COPG2: variants seen among roughly 807,000 people sequenced by gnomAD.
COPG2 encodes the protein coatomer subunit gamma-2.
A neutral mutation model predicts 46.3 loss-of-function variants in COPG2; 37 were observed. The ratio of observed to expected loss-of-function variants is 0.80; its 90% CI spans 0.61 to 1.05. The LOEUF (loss-of-function observed/expected upper bound fraction) is 1.05, where lower values mean the gene tolerates loss of function less well. COPG2 is among the 50% of genes least tolerant of loss of function. The pLI, the probability that COPG2 is intolerant of heterozygous loss-of-function variation, is 0.00. For missense variants in COPG2, 427 were observed against 387.8 expected, an observed-to-expected ratio of 1.10 and a Z score of -0.85; for synonymous variants, 159 against 129.7, an observed-to-expected ratio of 1.23 and a Z score of -1.53.
chr7:130,652,121 CACGT>C (rs1795759600), intron 5 of COPG2, among the ~76,000 whole-genome samples: 1 of 152,144 alleles, frequency 6.6e-6, no homozygotes, highest in Admixed American at 6.5e-5. Context: ...CAATGGTAGA[CACGT>C]AAGTTGTTTG....
chr7:130,513,877 A>G (rs1799651198), intron 20 of COPG2, among the ~76,000 whole-genome samples: 1 of 152,206 alleles, frequency 6.6e-6, no homozygotes, highest in Admixed American at 6.5e-5. Flanking sequence ...CCTGCAGAAG[A>G]GACGGAGTCA....
intron 9 of COPG2, among the ~76,000 whole-genome samples, chr7:130,585,345 AC>A (rs1794244773): frequency 6.6e-6 from 1 of 152,108 alleles, no homozygotes; most frequent in Non-Finnish European, 1.5e-5. Flanking sequence ...AAAATCTAAG[AC>A]CTGAAACTAT....
Position 130,613,539 on chromosome 7 carries a change from C to T in COPG2, c.492+5G>A. 1 of 1,562,914 alleles carries T rather than the reference C, an allele frequency of 6.4e-7. No individual in the cohort carries two copies. Among genetic ancestry groups the T allele is most frequent in the Non-Finnish European group, 8.8e-7 (1 of 1,141,968 alleles). On this transcript the variant is annotated splice_donor_5th_base_variant and intron_variant, in intron 7 of 23. Transcript: ENST00000425248. ...TAAGAACTAGGAAGCTGCTTGTTCA[C>T]TTACCAGGGAAGATACCAGTGCTGA...
intron 20 of COPG2, among the ~76,000 whole-genome samples, chr7:130,535,778 A>C (rs1267275600): frequency 2.0e-5 from 3 of 151,856 alleles, no homozygotes; most frequent in Admixed American, 6.5e-5. Context: ...TGAGAACACC[A>C]TCTCATTCAT....
chr7:130,511,677 G>A (rs782349792), intron 20 of COPG2: 3 of 513,178 alleles, frequency 5.8e-6, no homozygotes, highest in Non-Finnish European at 7.8e-6. Flanking sequence ...GAGACTGGAA[G>A]CAAAGGAAAG....
At chr7:130,647,968 G>C (rs1291619147) in intron 5 of COPG2, among the ~76,000 whole-genome samples, 7 of 151,996 alleles carry the variant, frequency 4.6e-5, no homozygotes, top group African/African-American at 1.7e-4. Context: ...CTGACCTCAT[G>C]ATCCACCCAC....
intron 9 of COPG2, chr7:130,608,386 T>C (rs1226957532): frequency 8.6e-6 from 2 of 232,392 alleles, no homozygotes; most frequent in Non-Finnish European, 1.7e-5. Flanking sequence ...CCTACACATT[T>C]ACCCTTTCTC....
intron 5 of COPG2, among the ~76,000 whole-genome samples, chr7:130,629,940 A>T: frequency 6.7e-6 from 1 of 148,754 alleles, no homozygotes; most frequent in African/African-American, 2.5e-5. Flanking sequence ...TTTTTCAGAC[A>T]GAGTTTCGCT....
chr7:130,509,544 G>A (rs1030539660), intron 20 of COPG2: 25 of 413,702 alleles, frequency 6.0e-5, no homozygotes, highest in African/African-American at 2.0e-4. Flanking sequence ...GACCATATAC[G>A]ACAGATTGGG....
intron 2 of COPG2, among the ~76,000 whole-genome samples, chr7:130,667,214 A>G (rs1554461600): frequency 6.6e-6 from 1 of 152,244 alleles, no homozygotes; most frequent in South Asian, 2.1e-4. Context: ...ATTAATACAG[A>G]TAACTGATTT....
intron 20 of COPG2, among the ~76,000 whole-genome samples, chr7:130,532,490 G>T (rs1195076274): frequency 1.3e-5 from 2 of 152,140 alleles, no homozygotes; most frequent in Non-Finnish European, 2.9e-5. Context: ...GGAGCACCCA[G>T]GTGGAGCGGA....
chr7:130,642,275 C>T (rs1212809276), intron 5 of COPG2, among the ~76,000 whole-genome samples: 1 of 150,644 alleles, frequency 6.6e-6, no homozygotes, highest in African/African-American at 2.4e-5. Flanking sequence ...GTAATTTATA[C>T]AATAAAATGG....
At chr7:130,582,455 A>T (rs1206917102) in intron 9 of COPG2, among the ~76,000 whole-genome samples, 1 of 151,802 alleles carries the variant, frequency 6.6e-6, no homozygotes, top group Non-Finnish European at 1.5e-5. Context: ...TTCATGTCCA[A>T]AACACCAAAA....
Position 130,550,654 on chromosome 7 carries a change from G to T in COPG2, c.1649-5C>A, listed in dbSNP as rs1793524954. 1 of 396,880 alleles carries T rather than the reference G, an allele frequency of 2.5e-6. No individual in the cohort carries two copies. The highest frequency in any genetic ancestry group is 2.1e-5 in the African/African-American group (1 of 48,498). The allele number at this position is 396,880 out of a possible 1,614,324, so 24.6% of individuals were successfully genotyped here. On this transcript the variant is annotated splice_region_variant and splice_polypyrimidine_tract_variant and intron_variant, in intron 16 of 23. Coordinates refer to ENST00000425248, the MANE Select transcript of COPG2 (RefSeq NM_012133.6). ...CTGGTACAGAGACCGTCAAACCTGT[G>T]AAACATAGAGAAATCTCAGCATTAT...
At chr7:130,510,271 C>T (rs75933723) in intron 20 of COPG2, 1 of 517,786 alleles carries the variant, frequency 1.9e-6, no homozygotes, top group Non-Finnish European at 3.9e-6. Flanking sequence ...ATGAACCTAT[C>T]AAGCCTGCAG....
At chr7:130,548,045 C>T (rs1028315305) in intron 19 of COPG2, among the ~76,000 whole-genome samples, 200 bp from the exon 20 acceptor site, 11 of 152,160 alleles carry the variant, frequency 7.2e-5, no homozygotes, top group African/African-American at 2.7e-4. Flanking sequence ...AGTTTTTTCT[C>T]TTTCCTGAGA....
At chr7:130,608,265 C>T (rs1440316522) in intron 9 of COPG2, 1 of 439,992 alleles carries the variant, frequency 2.3e-6, no homozygotes, top group Non-Finnish European at 4.5e-6. Context: ...CTTTATACTA[C>T]TATTTTCATA....
At chr7:130,582,715 G>A (rs1250415340) in intron 9 of COPG2, among the ~76,000 whole-genome samples, 3 of 150,850 alleles carry the variant, frequency 2.0e-5, no homozygotes, top group Admixed American at 6.6e-5. Flanking sequence ...CTCAAAAGAA[G>A]ACATTTATGC....
intron 20 of COPG2, among the ~76,000 whole-genome samples, chr7:130,509,477 G>A (rs1448739608): frequency 6.6e-6 from 1 of 152,144 alleles, no homozygotes; most frequent in Non-Finnish European, 1.5e-5. Context: ...TATTGGGAGA[G>A]TTAAAAAGTT....
Sources: allele counts gnomAD v4.1 joint callset (sites outside exome capture counted in the v4.1 genomes callset), GRCh38; gene constraint gnomAD v4.1.1; transcripts MANE v1.5; gene names NCBI Gene and HGNC (gene_info 2026-07-23, HGNC 2026-07-21).